ARCN1: variants seen among roughly 807,000 people sequenced by gnomAD.
ARCN1 encodes the protein archain 1 coat protein complex I subunit delta, also known as coatomer subunit delta.
ARCN1 carries 5 observed loss-of-function variants against 60.4 expected under a neutral mutation model. That is an observed-to-expected ratio of 0.08 (90% confidence interval 0.04 to 0.17). The LOEUF (loss-of-function observed/expected upper bound fraction) is 0.17. ARCN1 is among the 10% of genes least tolerant of loss of function. The probability of loss-of-function intolerance (pLI) is 1.00; values close to 1 mark genes in which losing one functional copy is unlikely to be tolerated. For synonymous variants in ARCN1, 224 were observed against 220.0 expected (o/e 1.02, Z -0.16); for missense variants, 464 against 626.5 (o/e 0.74, Z 2.77).
chr11:118,574,141 G>T (rs1338961280), intron 1 of ARCN1, among the ~76,000 whole-genome samples: 5 of 152,046 alleles, frequency 3.3e-5, no homozygotes, highest in African/African-American at 1.2e-4. Context: ...ACATGTGTAC[G>T]TATACATAGA....
chr11:118,581,375 C>A lies in ARCN1; in HGVS notation c.133C>A (p.Gln45Lys). The change falls in exon 2 of 10, where the codon CAA becomes AAA. Residue 45 changes from glutamine to lysine, a missense_variant. Physicochemically the swap from Gln to Lys is moderately conservative, Grantham distance 53. Transcript: ENST00000264028. ...AFPKLMNTGK[Q>K]HTFVETESVR... ...TCCAAAGCTCATGAACACTGGAAAACAACATACGTTTGTTGAAACAGAGAG... is the reference window on the plus strand; with the variant it reads ...TCCAAAGCTCATGAACACTGGAAAAAAACATACGTTTGTTGAAACAGAGAG... 1 of 1,614,152 alleles carries A rather than the reference C, an allele frequency of 6.2e-7. No homozygotes were observed. Among genetic ancestry groups the A allele is most frequent in the Non-Finnish European group, 8.5e-7 (1 of 1,180,042 alleles).
intron 5 of ARCN1, among the ~76,000 whole-genome samples, chr11:118,586,040 A>T (rs1456487093): frequency 1.3e-5 from 2 of 152,314 alleles, no homozygotes; most frequent in East Asian, 3.9e-4. Context: ...TACCAGGAGG[A>T]TACCTTTATC....
At position 118,597,815 on chromosome 11, in the gene ARCN1, G is replaced by C; in HGVS notation, c.1350G>C (p.Lys450Asn). Residue 450 changes from lysine (K) to asparagine (N), a missense_variant, in exon 9 of 10, where the codon AAG (lysine) becomes AAC (asparagine). Lys to Asn is a moderately conservative substitution (Grantham distance 94). Coordinates refer to ENST00000264028, the MANE Select transcript of ARCN1 (RefSeq NM_001655.5). ...WCLPVIDAKN[K>N]SGSLEFSIAG... ...TGCCTGTGATTGATGCCAAAAATAA[G>C]AGTGGCAGCCTGGAGTTTAGCATTG... 6.2e-7 allele frequency: 1 copy of C among 1,614,176 alleles called. No individual in the cohort carries two copies. Among genetic ancestry groups the C allele is most frequent in the Non-Finnish European group, 8.5e-7 (1 of 1,180,032 alleles).
chr11:118,601,837 A>G lies in ARCN1; in HGVS notation c.*1123A>G. On this transcript the variant is annotated 3_prime_UTR_variant, in exon 10 of 10. Transcript: ENST00000264028. ...TCTAAAAGAATGGTTATGTCTGTCC[A>G]GTTAGGGATTTCACATCCACATGTA... 1.6e-6 allele frequency: 1 copy of G among 632,118 alleles called. No homozygotes were observed. Among genetic ancestry groups the G allele is most frequent in the Non-Finnish European group, 2.9e-6 (1 of 349,592 alleles). 39.2% of individuals were successfully genotyped at this position (632,118 alleles called of 1,614,324 possible).
At chr11:118,579,216 C>G (rs1938594310) in intron 1 of ARCN1, among the ~76,000 whole-genome samples, 1 of 151,916 alleles carries the variant, frequency 6.6e-6, no homozygotes, top group South Asian at 2.1e-4. Context: ...TTTAGTTTTT[C>G]TAATATCAGC....
rs1249848572 is a variant in ARCN1 at position 118,583,906 on chromosome 11, G to C, written c.545G>C (p.Gly182Ala). ...GAGAGACAGGGCAAAAAAGCACCAG[G>C]ATTTGGCGGATTTGGCAGCTCTGCA... The part of the protein sequence containing the change: ...DAERQGKKAP[G>A]FGGFGSSAVS... Residue 182 changes from glycine to alanine, a missense_variant, in exon 4 of 10, where the codon GGA (glycine) becomes GCA (alanine). By Grantham distance (60) the Gly-to-Ala change is moderately conservative. This residue lies in a region of ARCN1 where 359 missense variants were observed against 440.2 expected (regional missense o/e 0.82). Transcript: ENST00000264028. 8.1e-6 allele frequency: 13 copies of C among 1,614,114 alleles called. No individual in the cohort carries two copies. Among genetic ancestry groups the C allele is most frequent in the Non-Finnish European group, 1.0e-5 (12 of 1,180,060 alleles).
At chr11:118,581,568 A>G (rs558571200) in intron 2 of ARCN1, 59 bp downstream of exon 2, 43 of 1,538,888 alleles carry the variant, frequency 2.8e-5, no homozygotes, top group Non-Finnish European at 2.7e-5. Flanking sequence ...ATGTGAAACT[A>G]GTTTTTCCTC....
chr11:118,586,028 A>C (rs920441154), intron 5 of ARCN1, among the ~76,000 whole-genome samples: 5 of 152,244 alleles, frequency 3.3e-5, no homozygotes, highest in African/African-American at 1.2e-4. Context: ...AGTGAAAGAT[A>C]ATACCAGGAG....
intron 3 of ARCN1, among the ~76,000 whole-genome samples, chr11:118,583,580 C>G (rs1938708565): frequency 6.6e-6 from 1 of 151,806 alleles, no homozygotes; most frequent in Admixed American, 6.6e-5. Flanking sequence ...GTAGTGAGAC[C>G]CTGTCTCTAT....
At chr11:118,599,520 G>A (rs2135558747) in intron 9 of ARCN1, among the ~76,000 whole-genome samples, 1 of 152,190 alleles carries the variant, frequency 6.6e-6, no homozygotes, top group South Asian at 2.1e-4. Flanking sequence ...CTGCCTCCCA[G>A]GTTCAAGTGA....
At chr11:118,577,619 C>T (rs1555073893) in intron 1 of ARCN1, among the ~76,000 whole-genome samples, 1 of 152,164 alleles carries the variant, frequency 6.6e-6, no homozygotes, top group African/African-American at 2.4e-5. Context: ...AATTTCCACG[C>T]ACTTTATCGG....
chr11:118,589,422 C>CTTTATTT (rs368720622), intron 5 of ARCN1, among the ~76,000 whole-genome samples: 3,444 of 151,828 alleles, frequency 0.023, 113 homozygotes, highest in African/African-American at 0.079. Flanking sequence ...GTGGATATGC[C>CTTTATTT]TTTATTTTTT....
rs150925677 is a variant in ARCN1, at chr11:118,589,574, C to T, written c.819-767C>T. On this transcript the variant is annotated intron_variant, in intron 5 of 9. Coordinates refer to ENST00000264028, the MANE Select transcript of ARCN1 (RefSeq NM_001655.5). ...CCTCCTGAGTAGGCGCCCGTCACCACACCCGGCTAATTTTGTTTTTGTATT... is the reference window on the plus strand; with the variant it reads ...CCTCCTGAGTAGGCGCCCGTCACCATACCCGGCTAATTTTGTTTTTGTATT... Among the ~76,000 whole-genome samples, 927 of 152,246 alleles carry T rather than the reference C, an allele frequency of 6.1e-3. 5 individuals carry two copies. The highest frequency in any genetic ancestry group is 9.6e-3 in the Non-Finnish European group (650 of 68,014).
At chr11:118,572,877 C>T (rs193203648) in intron 1 of ARCN1, 51 of 364,668 alleles carry the variant, frequency 1.4e-4, no homozygotes, top group Non-Finnish European at 2.2e-4. Context: ...TCCCAGGCTG[C>T]GGACCTCGGA....
At chr11:118,586,910 A>T (rs995085685) in intron 5 of ARCN1, among the ~76,000 whole-genome samples, 17 of 151,782 alleles carry the variant, frequency 1.1e-4, no homozygotes, top group Admixed American at 9.2e-4. Flanking sequence ...AGAATTTGAG[A>T]CACTGTTTTT....
chr11:118,582,725 T>TAAAA (rs1206435516), intron 2 of ARCN1, among the ~76,000 whole-genome samples: 1 of 100,870 alleles, frequency 9.9e-6, no homozygotes, highest in African/African-American at 3.8e-5. Flanking sequence ...GACTTTGTCT[T>TAAAA]AAAAAAAAAA....
In ARCN1 at chr11:118,581,526, A is replaced by G; in HGVS notation, c.267+17A>G. 1 of 1,579,790 alleles carries G rather than the reference A, an allele frequency of 6.3e-7. No homozygotes were observed. The highest frequency in any genetic ancestry group is 8.6e-7 in the Non-Finnish European group (1 of 1,162,736). On this transcript the variant is annotated intron_variant, in intron 2 of 9. Coordinates refer to ENST00000264028, the MANE Select transcript of ARCN1 (RefSeq NM_001655.5). Reference sequence around the variant, plus strand: ...TCAAGAGTGGTAAGAGTACTGCTATAATACTGGGTTCCACTTTTTGTTTTA... The same window carrying G: ...TCAAGAGTGGTAAGAGTACTGCTATGATACTGGGTTCCACTTTTTGTTTTA...
chr11:118,581,954 A>ACG (rs1398408995), intron 2 of ARCN1, among the ~76,000 whole-genome samples: 1 of 151,040 alleles, frequency 6.6e-6, no homozygotes, highest in Non-Finnish European at 1.5e-5. Context: ...ACACACACAC[A>ACG]CACACACACA....
chr11:118,598,256 G>T (rs1939072215), intron 9 of ARCN1, among the ~76,000 whole-genome samples: 2 of 151,432 alleles, frequency 1.3e-5, no homozygotes, highest in East Asian at 1.9e-4. Flanking sequence ...CCAACACATG[G>T]TTTTTTTAAG....
Sources: gnomAD v4.1 joint callset for allele counts (sites outside exome capture counted in the v4.1 genomes callset) on GRCh38, gnomAD v4.1.1 for gene constraint, gnomAD v4.1.1 regional missense constraint, MANE v1.5 for transcripts, NCBI Gene and HGNC (gene_info 2026-07-23, HGNC 2026-07-21) for gene names.